DPP10: variants seen among roughly 807,000 people sequenced by gnomAD.
DPP10 encodes the protein dipeptidyl peptidase like 10.
DPP10 carries 33 observed loss-of-function variants against 120.9 expected under a neutral mutation model. The observed-to-expected ratio is 0.27, with a 90% confidence interval of 0.21 to 0.37. The LOEUF (loss-of-function observed/expected upper bound fraction) is 0.37, where lower values mean the gene tolerates loss of function less well. Ranked by LOEUF, DPP10 falls within the 10% of genes least tolerant of loss-of-function variation. DPP10 has a pLI of 1.00. For synonymous variants in DPP10, 337 were observed against 326.1 expected (o/e 1.03, Z -0.36); for missense variants, 816 against 942.8 (o/e 0.87, Z 1.76).
chr2:115,699,211 A>G (rs533069900), intron 7 of DPP10, among the ~76,000 whole-genome samples: 13 of 152,278 alleles, frequency 8.5e-5, no homozygotes, highest in Admixed American at 4.6e-4. Flanking sequence ...AAAACTTCGT[A>G]GTAGAGTCAT....
At chr2:115,202,938 C>G (rs1017683227) in intron 1 of DPP10, among the ~76,000 whole-genome samples, 1 of 151,438 alleles carries the variant, frequency 6.6e-6, no homozygotes, top group Non-Finnish European at 1.5e-5. Context: ...CTTTTACAAA[C>G]GTTGAGAAAC....
intron 1 of DPP10, among the ~76,000 whole-genome samples, chr2:115,103,210 C>T (rs781732111): frequency 1.7e-4 from 20 of 119,626 alleles, no homozygotes; most frequent in African/African-American, 3.2e-4. Context: ...TTTTTTGAGA[C>T]GGAGTCTCAC....
chr2:114,451,343 T>G (rs1678264393), intron 1 of DPP10, among the ~76,000 whole-genome samples: 1 of 152,148 alleles, frequency 6.6e-6, no homozygotes, highest in Non-Finnish European at 1.5e-5. Flanking sequence ...GAAAGAGAAT[T>G]CAAATGTTTG....
At chr2:115,158,960 G>A (rs2052099086) in intron 1 of DPP10, among the ~76,000 whole-genome samples, 1 of 151,340 alleles carries the variant, frequency 6.6e-6, no homozygotes, top group South Asian at 2.1e-4. Context: ...CCTTTTGCAA[G>A]GTAATTAACT....
chr2:115,247,324 G>A (rs184622142), intron 1 of DPP10, among the ~76,000 whole-genome samples: 32 of 152,194 alleles, frequency 2.1e-4, no homozygotes, highest in Admixed American at 1.4e-3. Context: ...TAGATCATCC[G>A]TATACAGGTG....
chr2:114,810,397 G>C (rs983846926), intron 1 of DPP10, among the ~76,000 whole-genome samples: 1 of 152,144 alleles, frequency 6.6e-6, no homozygotes, highest in African/African-American at 2.4e-5. Context: ...AGATTTCCAA[G>C]TGCCATCATG....
chr2:115,316,980 G>T (rs1241538461), intron 2 of DPP10, among the ~76,000 whole-genome samples: 1 of 152,122 alleles, frequency 6.6e-6, no homozygotes, highest in East Asian at 1.9e-4. Context: ...AGGTTTGTTG[G>T]CACATGCTAC....
intron 1 of DPP10, among the ~76,000 whole-genome samples, chr2:114,832,281 C>G (rs1687204267): frequency 6.6e-6 from 1 of 152,192 alleles, no homozygotes; most frequent in African/African-American, 2.4e-5. Context: ...CGCCTGTAAT[C>G]CCAGCACTTT....
chr2:115,806,300 A>C (rs1402420578), intron 19 of DPP10, among the ~76,000 whole-genome samples: 1 of 152,136 alleles, frequency 6.6e-6, no homozygotes, highest in Admixed American at 6.6e-5. Context: ...TCTCTCAAAA[A>C]ACTGGTGTTA....
intron 3 of DPP10, among the ~76,000 whole-genome samples, chr2:115,404,980 A>C (rs1281365719): frequency 2.6e-5 from 4 of 152,150 alleles, no homozygotes; most frequent in African/African-American, 9.7e-5. Flanking sequence ...ACCACATTCA[A>C]ATCACAGCAT....
At chr2:115,707,799 A>T (rs144045272) in intron 7 of DPP10, among the ~76,000 whole-genome samples, 8 of 152,016 alleles carry the variant, frequency 5.3e-5, no homozygotes, top group African/African-American at 7.2e-5. Context: ...CCATATTGTT[A>T]CTTAGCATGT....
intron 1 of DPP10, among the ~76,000 whole-genome samples, chr2:114,773,367 G>A (rs190896116): frequency 0.016 from 856 of 54,792 alleles, 16 homozygotes; most frequent in African/African-American, 0.034. Flanking sequence ...CAGCAGGCCT[G>A]ACTTTTTAAA....
At chr2:114,654,522 T>G (rs1696830802) in intron 1 of DPP10, among the ~76,000 whole-genome samples, 1 of 152,146 alleles carries the variant, frequency 6.6e-6, no homozygotes, top group Non-Finnish European at 1.5e-5. Flanking sequence ...AATCCCCAAG[T>G]GTTCTAGCAG....
intron 1 of DPP10, among the ~76,000 whole-genome samples, chr2:114,485,322 G>T (rs960221419): frequency 6.6e-6 from 1 of 152,142 alleles, no homozygotes; most frequent in Non-Finnish European, 1.5e-5. Context: ...GTTTTGTAAG[G>T]TGGGGACAAA....
intron 1 of DPP10, among the ~76,000 whole-genome samples, chr2:114,869,912 G>A (rs916861728): frequency 3.3e-5 from 5 of 152,034 alleles, no homozygotes; most frequent in Admixed American, 6.5e-5. Flanking sequence ...CAACTTATGC[G>A]GTCTCTTTGG....
At chr2:114,704,152 A>G (rs1308647176) in intron 1 of DPP10, among the ~76,000 whole-genome samples, 1 of 152,204 alleles carries the variant, frequency 6.6e-6, no homozygotes, top group Non-Finnish European at 1.5e-5. Flanking sequence ...AAAGGACTAC[A>G]TGCCCATAAA....
chr2:115,596,339 A>G lies in DPP10; in HGVS notation c.441+70367A>G, dbSNP rs116720976. On this transcript the variant is annotated intron_variant, in intron 5 of 25. Transcript: ENST00000410059. ...AATTTACCAAAGATTAGTCACATGAACTATGAAACTATGTGAGGTAAAATT... is the reference window on the plus strand; with the variant it reads ...AATTTACCAAAGATTAGTCACATGAGCTATGAAACTATGTGAGGTAAAATT... Among the ~76,000 whole-genome samples, 122 of 152,292 alleles carry G rather than the reference A, an allele frequency of 8.0e-4. 1 individual carries two copies. The highest frequency in any genetic ancestry group is 2.8e-3 in the African/African-American group (115 of 41,564).
chr2:114,553,235 C>T (rs542405445), intron 1 of DPP10, among the ~76,000 whole-genome samples: 5 of 152,212 alleles, frequency 3.3e-5, no homozygotes, highest in Non-Finnish European at 5.9e-5. Flanking sequence ...TTCCTCTTGC[C>T]AGGCTGGGCC....
chr2:114,906,023 T>C (rs1693930367), intron 1 of DPP10, among the ~76,000 whole-genome samples: 3 of 152,210 alleles, frequency 2.0e-5, no homozygotes, highest in Admixed American at 2.0e-4. Flanking sequence ...TCTGAATGTC[T>C]TTTATTTTAT....
Sources: gnomAD v4.1 joint callset for allele counts (sites outside exome capture counted in the v4.1 genomes callset) on GRCh38, gnomAD v4.1.1 for gene constraint, MANE v1.5 for transcripts, NCBI Gene and HGNC (gene_info 2026-07-23, HGNC 2026-07-21) for gene names.